Variants in COG5 observed in about 807,000 individuals in gnomAD.
The protein encoded by COG5 is conserved oligomeric Golgi complex subunit 5.
COG5 carries 86 observed loss-of-function variants against 110.4 expected under a neutral mutation model. That is an observed-to-expected ratio of 0.78 (90% confidence interval 0.65 to 0.93). COG5 has a LOEUF of 0.93. Ranked by LOEUF, COG5 falls within the 40% of genes least tolerant of loss-of-function variation. The pLI is 0.00. For synonymous variants in COG5, 360 were observed against 334.6 expected, an observed-to-expected ratio of 1.08 and a Z score of -0.83; for missense variants, 1,077 against 987.0, an observed-to-expected ratio of 1.09 and a Z score of -1.22.
At chr7:107,212,663 A>C (rs1340757786) in intron 19 of COG5, among the ~76,000 whole-genome samples, 2 of 152,214 alleles carry the variant, frequency 1.3e-5, no homozygotes, top group Admixed American at 1.3e-4. Flanking sequence ...AGATGGTAGA[A>C]GAAGAACTTC....
chr7:107,444,416 A>T (rs938649867), intron 6 of COG5, among the ~76,000 whole-genome samples: 5 of 152,226 alleles, frequency 3.3e-5, no homozygotes, highest in Admixed American at 1.3e-4. Context: ...AAAGTTGCAC[A>T]GGCCAAATGG....
At chr7:107,300,332 G>A (rs887400522) in intron 11 of COG5, among the ~76,000 whole-genome samples, 3 of 151,968 alleles carry the variant, frequency 2.0e-5, no homozygotes, top group African/African-American at 7.2e-5. Flanking sequence ...AGTGCAATGA[G>A]GCCTAAGTAA....
chr7:107,559,995 T>C (rs940289400), intron 1 of COG5, among the ~76,000 whole-genome samples: 1 of 152,148 alleles, frequency 6.6e-6, no homozygotes, highest in African/African-American at 2.4e-5. Flanking sequence ...ACCCAAGAAA[T>C]TGCACTATCA....
At chr7:107,238,986 A>G (rs1801414649) in intron 17 of COG5, among the ~76,000 whole-genome samples, 1 of 152,182 alleles carries the variant, frequency 6.6e-6, no homozygotes, top group Non-Finnish European at 1.5e-5. Context: ...TTTTAGATAA[A>G]TGTAATCACA....
chr7:107,254,404 C>T (rs1167210589), intron 16 of COG5, among the ~76,000 whole-genome samples: 2 of 151,592 alleles, frequency 1.3e-5, no homozygotes, highest in African/African-American at 4.9e-5. Flanking sequence ...TTACTTTTTA[C>T]TTAATAAGTC....
At chr7:107,507,956 G>A (rs553600915) in intron 6 of COG5, among the ~76,000 whole-genome samples, 62 of 152,326 alleles carry the variant, frequency 4.1e-4, no homozygotes, top group African/African-American at 1.3e-3. Context: ...CGTGAGCGAC[G>A]CAGAAGACGG....
intron 11 of COG5, among the ~76,000 whole-genome samples, chr7:107,299,371 T>C (rs1344006106): frequency 6.6e-6 from 1 of 152,062 alleles, no homozygotes; most frequent in African/African-American, 2.4e-5. Context: ...ATTCTGCAGA[T>C]ACTGAAAGGG....
intron 11 of COG5, among the ~76,000 whole-genome samples, chr7:107,311,134 T>C (rs62482493): frequency 0.19 from 28,917 of 152,096 alleles, 3,111 homozygotes; most frequent in East Asian, 0.31. Context: ...TCCTTAAAAG[T>C]AGAATTTCGG....
intron 10 of COG5, among the ~76,000 whole-genome samples, chr7:107,332,901 A>T (rs62482497): frequency 0.024 from 3,605 of 152,316 alleles, 62 homozygotes; most frequent in Non-Finnish European, 0.037. Context: ...GATGATGTGG[A>T]ATCAAAAAAC....
At chr7:107,243,039 C>T (rs1210210259) in intron 17 of COG5, among the ~76,000 whole-genome samples, 2 of 152,146 alleles carry the variant, frequency 1.3e-5, no homozygotes, top group Non-Finnish European at 2.9e-5. Flanking sequence ...CAGAAAAAAG[C>T]AGAGGTTGCA....
chr7:107,521,941 T>TA (rs987095898), intron 6 of COG5, among the ~76,000 whole-genome samples: 49 of 150,824 alleles, frequency 3.2e-4, no homozygotes, highest in African/African-American at 8.3e-4. Flanking sequence ...CATGCAGCCA[T>TA]AAAAAAAAAT....
At chr7:107,519,451 AT>A (rs1301789001) in intron 6 of COG5, among the ~76,000 whole-genome samples, 2 of 152,328 alleles carry the variant, frequency 1.3e-5, no homozygotes, top group East Asian at 3.9e-4. Flanking sequence ...ATAAAAAATG[AT>A]AAAGGGGATA....
At chr7:107,313,762 A>G (rs920280486) in intron 11 of COG5, among the ~76,000 whole-genome samples, 1 of 152,152 alleles carries the variant, frequency 6.6e-6, no homozygotes, top group African/African-American at 2.4e-5. Context: ...GTCCACTCAG[A>G]TGATCAGAGA....
At chr7:107,449,021 T>TAAACAA (rs1795173057) in intron 6 of COG5, among the ~76,000 whole-genome samples, 3 of 152,138 alleles carry the variant, frequency 2.0e-5, no homozygotes. Flanking sequence ...GAGAAAAATG[T>TAAACAA]AAACAAACAT....
intron 19 of COG5, among the ~76,000 whole-genome samples, chr7:107,225,441 G>A (rs181712761): frequency 6.6e-6 from 1 of 152,162 alleles, no homozygotes; most frequent in Admixed American, 6.5e-5. Flanking sequence ...AACCCCAAGT[G>A]ACAATCTTAG....
chr7:107,301,065 C>T (rs1357461152), intron 11 of COG5, among the ~76,000 whole-genome samples: 1 of 152,120 alleles, frequency 6.6e-6, no homozygotes, highest in African/African-American at 2.4e-5. Context: ...TAGAGTTCAA[C>T]AAATGATACT....
intron 6 of COG5, among the ~76,000 whole-genome samples, chr7:107,428,490 T>C (rs571553103): frequency 1.3e-5 from 2 of 152,044 alleles, no homozygotes; most frequent in Non-Finnish European, 2.9e-5. Flanking sequence ...ACAACAAGAA[T>C]GACCACAATC....
At chr7:107,237,521 T>G (rs1332767014) in intron 17 of COG5, among the ~76,000 whole-genome samples, 8 of 152,236 alleles carry the variant, frequency 5.3e-5, no homozygotes. Flanking sequence ...AAATTGGTGA[T>G]GGTCTATAGA....
intron 21 of COG5, chr7:107,208,827 G>T: frequency 1.0e-6 from 1 of 985,462 alleles, no homozygotes; most frequent in Non-Finnish European, 1.2e-6. Context: ...GTCACTTCTG[G>T]AAACAAAGCT....
Sources: allele counts gnomAD v4.1 joint callset (sites outside exome capture counted in the v4.1 genomes callset), GRCh38; gene constraint gnomAD v4.1.1; transcripts MANE v1.5; gene names NCBI Gene and HGNC (gene_info 2026-07-23, HGNC 2026-07-21).